The following PIK3CD variants were observed in gnomAD, a reference collection of about 807,000 sequenced individuals.
The protein encoded by PIK3CD is phosphatidylinositol-4,5-bisphosphate 3-kinase catalytic subunit delta.
In PIK3CD, 20 loss-of-function variants were observed where a neutral mutation model predicts 122.9. The ratio of observed to expected loss-of-function variants is 0.16; its 90% CI spans 0.11 to 0.24. The LOEUF is 0.24. PIK3CD is among the 10% of genes least tolerant of loss of function. PIK3CD has a pLI of 1.00. For missense variants in PIK3CD, 787 were observed against 1,406.3 expected (o/e 0.56, Z 7.04); for synonymous variants, 596 against 593.4 (o/e 1.00, Z -0.06).
At position 9,728,924 on chromosome 1, in the gene PIK3CD, A is replaced by T. The variant is rs1337134102; in HGVS notation, c.*1878A>T. The T allele has an allele frequency of 6.6e-6, 1 of 152,234 alleles. No individual in the cohort carries two copies. Among genetic ancestry groups the T allele is most frequent in the Non-Finnish European group, 1.5e-5 (1 of 68,044 alleles). The allele number at this position is 152,234 out of a possible 1,614,324, so 9.4% of individuals were successfully genotyped here. A position where few individuals can be genotyped will look rare whatever the true frequency, so the allele number is the denominator to read the frequency against. ...GTAAAGGCAGATGAAAAGAAAGAAA[A>T]AGCCTTTTTATGTTCTTTTATGTTC... is the stretch of plus-strand genomic sequence containing the variant. On this transcript the variant is annotated 3_prime_UTR_variant, in exon 24 of 24. Transcript: ENST00000377346.
At position 9,702,500 on chromosome 1, in the gene PIK3CD, C is replaced by CTTTTTT. The variant is rs60167511; in HGVS notation, c.-32-7892_-32-7887dup. 3.7e-3 allele frequency among the ~76,000 whole-genome samples: 96 copies of CTTTTTT among 25,826 alleles called. 33 individuals carry two copies. The highest frequency in any genetic ancestry group is 6.7e-3 in the South Asian group (4 of 594). 16.9% of individuals were successfully genotyped at this position (25,826 alleles called of 152,430 possible). ...GTCCACTTCCAAGGAAAGAACTTTC[C>CTTTTTT]TTTTTTTTTTTTTTTTTTTTTTTTT... On this transcript the variant is annotated intron_variant, in intron 2 of 23. Coordinates refer to ENST00000377346, the MANE Select transcript of PIK3CD (RefSeq NM_005026.5).
At chr1:9,716,316 T>C (rs1197305866) in intron 5 of PIK3CD, 124 bp from the exon 6 acceptor site, 3 of 964,800 alleles carry the variant, frequency 3.1e-6, no homozygotes, top group Admixed American at 3.8e-5. Flanking sequence ...TGAACAAATA[T>C]TTCCCAGTGT....
chr1:9,684,650 T>G (rs1482355860), intron 1 of PIK3CD, among the ~76,000 whole-genome samples: 1 of 147,732 alleles, frequency 6.8e-6, no homozygotes, highest in Admixed American at 6.7e-5. Flanking sequence ...AGCCTAGGAG[T>G]TTGAGACCAG....
intron 1 of PIK3CD, among the ~76,000 whole-genome samples, chr1:9,678,609 T>G (rs1310737985): frequency 6.6e-6 from 1 of 152,196 alleles, no homozygotes; most frequent in Non-Finnish European, 1.5e-5. Flanking sequence ...CAGACTCTGT[T>G]GGTGTGCAGG....
chr1:9,637,105 G>A, the PIK3CD span, among the ~76,000 whole-genome samples: 1 of 152,042 alleles, frequency 6.6e-6, no homozygotes, highest in Non-Finnish European at 1.5e-5. Flanking sequence ...CACTGTGTTA[G>A]CCAGGATGGT....
chr1:9,666,786 C>A (rs1300076450), intron 1 of PIK3CD, among the ~76,000 whole-genome samples: 3 of 151,960 alleles, frequency 2.0e-5, no homozygotes, highest in Non-Finnish European at 4.4e-5. Context: ...CTTACTGCAA[C>A]CTCTGCCTCC....
In PIK3CD at chr1:9,721,439, T is replaced by G. The variant is rs1469616796; in HGVS notation, c.1812-5T>G. On this transcript the variant is annotated splice_region_variant and splice_polypyrimidine_tract_variant and intron_variant, in intron 14 of 23. Coordinates refer to ENST00000377346, the MANE Select transcript of PIK3CD (RefSeq NM_005026.5). Reference sequence around the variant, plus strand: ...TCCAGGCCCCAGCGCCTTCCTTCCCTGCAGGGACGATGAGCTGTTCCAGTA... The same window carrying G: ...TCCAGGCCCCAGCGCCTTCCTTCCCGGCAGGGACGATGAGCTGTTCCAGTA... 6.2e-7 allele frequency: 1 copy of G among 1,613,294 alleles called. No individual in the cohort carries two copies.
rs1649929733 is a variant in PIK3CD, at chr1:9,727,897, C to T, written c.*851C>T. On this transcript the variant is annotated 3_prime_UTR_variant, in exon 24 of 24. Coordinates refer to ENST00000377346, the MANE Select transcript of PIK3CD (RefSeq NM_005026.5). ...TTGGCTCACTGTAACCTCCGCCTCC[C>T]AGGTTCAAGTGATTCTTCTGCCTCA... The T allele has an allele frequency of 5.8e-6, 1 of 173,110 alleles. No individual in the cohort carries two copies. Among genetic ancestry groups the T allele is most frequent in the Non-Finnish European group, 1.2e-5 (1 of 80,068 alleles). The allele number at this position is 173,110 out of a possible 1,614,324, so 10.7% of individuals were successfully genotyped here.
the PIK3CD span, among the ~76,000 whole-genome samples, chr1:9,636,279 C>T: frequency 2.0e-5 from 3 of 152,268 alleles, no homozygotes; most frequent in African/African-American, 4.8e-5. Flanking sequence ...CTTCAGCCTC[C>T]ACCTCCTGGG....
In PIK3CD at chr1:9,689,082, C is replaced by T. The variant is rs1646085699; in HGVS notation, c.-137-2385C>T. ...GCCAATTACTCGAGTGAGTCTGGCT[C>T]CGGCTCTGTGACCTGGGTCCAGTAC... On this transcript the variant is annotated intron_variant, in intron 1 of 23. Transcript: ENST00000377346. The surrounding 1 kb of genome is among the most constrained non-coding windows in gnomAD (Gnocchi z 6.1). Among the ~76,000 whole-genome samples, 1 of 152,252 alleles carries T rather than the reference C, an allele frequency of 6.6e-6. No homozygotes were observed. Among genetic ancestry groups the T allele is most frequent in the African/African-American group, 2.4e-5 (1 of 41,474 alleles).
Position 9,721,787 on chromosome 1 carries a change from C to G in PIK3CD, c.1982C>G (p.Ala661Gly). 6.2e-7 allele frequency: 1 copy of G among 1,613,224 alleles called. No individual in the cohort carries two copies. Among genetic ancestry groups the G allele is most frequent in the Non-Finnish European group, 8.5e-7 (1 of 1,179,944 alleles). Reference sequence around the variant, plus strand: ...TCCGAGATGCACGTGCCGTCGGTGGCCCTGCGCTTCGGCCTCATCCTGGAG... The same window carrying G: ...TCCGAGATGCACGTGCCGTCGGTGGGCCTGCGCTTCGGCCTCATCCTGGAG... ...LRSEMHVPSV[A>G]LRFGLILEAY... is the part of the protein sequence containing the mutation. The change falls in exon 16 of 24, where the codon GCC (alanine) becomes GGC (glycine). Residue 661 changes from alanine to glycine, a missense_variant. Transcript: ENST00000377346.
In PIK3CD at chr1:9,704,962, A is replaced by G. The variant is rs1646773871; in HGVS notation, c.-32-5462A>G. On this transcript the variant is annotated intron_variant, in intron 2 of 23. Transcript: ENST00000377346. This position sits in a 1 kb window ranked among gnomAD's most constrained non-coding sequence, Gnocchi z 5.0. ...ATGTGCAGCTCTCGCTCCTCAGGGCAGCTGGGGTCCAGCTGACGGTGAGGC... is the reference window on the plus strand; with the variant it reads ...ATGTGCAGCTCTCGCTCCTCAGGGCGGCTGGGGTCCAGCTGACGGTGAGGC... 1.3e-5 allele frequency among the ~76,000 whole-genome samples: 2 copies of G among 152,366 alleles called. No homozygotes were observed. The highest frequency in any genetic ancestry group is 2.1e-4 in the South Asian group (1 of 4,828).
In PIK3CD at chr1:9,715,867, C is replaced by A; in HGVS notation, c.389C>A (p.Ser130Tyr). ...CCCGCAGGCCTCCACGAGTTTGACT[C>A]CTTGTGCGACCCAGAAGTGAACGAC... ...LIGKGLHEFD[S>Y]LCDPEVNDFR... Residue 130 changes from serine to tyrosine, a missense_variant, in exon 5 of 24, where the codon TCC (serine) becomes TAC (tyrosine). Ser to Tyr is a moderately radical substitution (Grantham distance 144, BLOSUM62 -2). Around this residue, in one of 6 missense-constraint regions of PIK3CD, gnomAD observed 592 missense variants for 920.6 expected, o/e 0.64. Coordinates refer to ENST00000377346, the MANE Select transcript of PIK3CD (RefSeq NM_005026.5). This position sits in a 1 kb window ranked among gnomAD's most constrained non-coding sequence, Gnocchi z 4.1. The A allele has an allele frequency of 6.2e-7, 1 of 1,610,170 alleles. No homozygotes were observed. Among genetic ancestry groups the A allele is most frequent in the Non-Finnish European group, 8.5e-7 (1 of 1,178,482 alleles).
At chr1:9,649,209 G>A (rs553036832), upstream of PIK3CD, among the ~76,000 whole-genome samples, 4 of 151,792 alleles carry the variant, frequency 2.6e-5, 1 homozygote, top group South Asian at 8.3e-4. Context: ...CTGGAATAAC[G>A]GCCTCTGGGC....
At chr1:9,629,979 G>A in the PIK3CD span, among the ~76,000 whole-genome samples, 5 of 152,368 alleles carry the variant, frequency 3.3e-5, no homozygotes, top group East Asian at 1.9e-4. Flanking sequence ...GGTCAGAGGC[G>A]CCCAGGACAC....
At chr1:9,638,315 A>G in the PIK3CD span, among the ~76,000 whole-genome samples, 1 of 151,906 alleles carries the variant, frequency 6.6e-6, no homozygotes, top group Non-Finnish European at 1.5e-5. Flanking sequence ...GGCAGTTCCA[A>G]AATTACCTGA....
the PIK3CD span, among the ~76,000 whole-genome samples, chr1:9,641,983 G>A: frequency 6.6e-6 from 1 of 152,252 alleles, no homozygotes; most frequent in South Asian, 2.1e-4. Flanking sequence ...AAATGCATCT[G>A]ACATCTTGAC....
At chr1:9,651,065 G>A (rs566735845), upstream of PIK3CD, among the ~76,000 whole-genome samples, 1 of 152,190 alleles carries the variant, frequency 6.6e-6, no homozygotes, top group South Asian at 2.1e-4. Flanking sequence ...AGGCTGGCTT[G>A]AATTCCTGGG....
chr1:9,721,499 T>C lies in PIK3CD; in HGVS notation c.1867T>C (p.Ser623Pro). 6.2e-7 allele frequency: 1 copy of C among 1,613,706 alleles called. No individual in the cohort carries two copies. The change falls in exon 15 of 24, where the codon TCC becomes CCC. Residue 623 changes from serine to proline, a missense_variant. Ser to Pro is a moderately conservative substitution (Grantham distance 74). This residue lies in a region of PIK3CD where 592 missense variants were observed against 920.6 expected (regional missense o/e 0.64). Transcript: ENST00000377346. ...LQLVQVLKYE[S>P]YLDCELTKFL... is the part of the protein sequence containing the mutation. Reference sequence around the variant, plus strand: ...GCTGGTGCAGGTGCTCAAGTACGAGTCCTACCTGGACTGCGAGCTGACCAA... The same window carrying C: ...GCTGGTGCAGGTGCTCAAGTACGAGCCCTACCTGGACTGCGAGCTGACCAA...
Sources: gnomAD v4.1 joint callset for allele counts (sites outside exome capture counted in the v4.1 genomes callset) on GRCh38, gnomAD v4.1.1 for gene constraint, gnomAD v4.1.1 regional missense constraint, Gnocchi (gnomAD v3.1) non-coding constraint, MANE v1.5 for transcripts, NCBI Gene and HGNC (gene_info 2026-07-23, HGNC 2026-07-21) for gene names.